KCNIP4: variants seen among roughly 807,000 people sequenced by gnomAD.
The protein encoded by KCNIP4 is potassium voltage-gated channel interacting protein 4.
In KCNIP4, 12 loss-of-function variants were observed where a neutral mutation model predicts 34.0. The ratio of observed to expected loss-of-function variants is 0.35; its 90% CI spans 0.23 to 0.57. KCNIP4 has a LOEUF of 0.57. Among genes scored for constraint, KCNIP4 ranks in the 20% least tolerant of loss-of-function variants. The probability of loss-of-function intolerance (pLI) is 0.83; values close to 1 mark genes in which losing one functional copy is unlikely to be tolerated. For missense variants in KCNIP4, 238 were observed against 311.7 expected (o/e 0.76, Z 1.78); for synonymous variants, 124 against 102.2 (o/e 1.21, Z -1.29).
chr4:21,232,771 G>C (rs1758891886), intron 1 of KCNIP4, among the ~76,000 whole-genome samples: 1 of 152,126 alleles, frequency 6.6e-6, no homozygotes, highest in African/African-American at 2.4e-5. Context: ...ACAGAAGATG[G>C]ATAAGAAAGT....
At chr4:21,622,602 CTG>C (rs1429015742) in intron 1 of KCNIP4, among the ~76,000 whole-genome samples, 5 of 152,046 alleles carry the variant, frequency 3.3e-5, no homozygotes, top group African/African-American at 1.2e-4. Context: ...ATTTATATCA[CTG>C]GAGCATGACT....
chr4:21,327,116 A>G (rs1436525234), intron 1 of KCNIP4, among the ~76,000 whole-genome samples: 4 of 151,966 alleles, frequency 2.6e-5, no homozygotes, highest in African/African-American at 9.7e-5. Flanking sequence ...TGTGTTCTTA[A>G]TATGTTTTTC....
At chr4:21,276,881 G>A (rs1452571711) in intron 1 of KCNIP4, among the ~76,000 whole-genome samples, 1 of 152,110 alleles carries the variant, frequency 6.6e-6, no homozygotes, top group Non-Finnish European at 1.5e-5. Context: ...TAATATCAGT[G>A]TCATTCCTTC....
intron 1 of KCNIP4, among the ~76,000 whole-genome samples, chr4:21,170,925 G>C (rs1383315276): frequency 1.3e-5 from 2 of 152,070 alleles, no homozygotes; most frequent in Non-Finnish European, 2.9e-5. Context: ...ATTTAGTCAA[G>C]TAGATTTCCT....
rs146209911 is a variant in KCNIP4 at position 21,273,542 on chromosome 4, T to A, written c.62-390833A>T. ...GGGGAGAGTGGCTTGACTCACTCCA[T>A]AATCCTCATCATTATACTCTTTCCA... is the stretch of plus-strand genomic sequence containing the variant. On this transcript the variant is annotated intron_variant, in intron 1 of 8. Transcript: ENST00000382152. 8.5e-5 allele frequency among the ~76,000 whole-genome samples: 13 copies of A among 152,294 alleles called. No homozygotes were observed. The East Asian group carries it at 2.5e-3, about 29-fold the overall frequency.
At chr4:20,851,758 G>A (rs115252655) in intron 2 of KCNIP4, among the ~76,000 whole-genome samples, 4 of 152,152 alleles carry the variant, frequency 2.6e-5, no homozygotes, top group African/African-American at 9.7e-5. Context: ...CCTGGAATTT[G>A]TTTCTATATA....
chr4:21,627,863 A>T (rs1745446337), intron 1 of KCNIP4, among the ~76,000 whole-genome samples: 1 of 152,134 alleles, frequency 6.6e-6, no homozygotes, highest in Non-Finnish European at 1.5e-5. Context: ...TGATGTAGGA[A>T]TGGTGCGGTT....
intron 3 of KCNIP4, among the ~76,000 whole-genome samples, chr4:20,828,406 A>G (rs950765127): frequency 1.2e-4 from 19 of 152,234 alleles, no homozygotes; most frequent in Admixed American, 2.0e-4. Flanking sequence ...CAGCCTGGCG[A>G]CAGAGCAAGA....
Position 21,680,809 on chromosome 4 carries a change from A to T in KCNIP4, c.61+267762T>A, listed in dbSNP as rs147349401. Among the ~76,000 whole-genome samples, 308 of 152,352 alleles carry T rather than the reference A, an allele frequency of 2.0e-3. 1 individual carries two copies. The highest frequency in any genetic ancestry group is 4.6e-3 in the Admixed American group (70 of 15,298). On this transcript the variant is annotated intron_variant, in intron 1 of 8. Transcript: ENST00000382152. ...TGTCAACACTGGGCTTAAAATATAC[A>T]GTAAACCATGATATAAACAGACATG... is the stretch of plus-strand genomic sequence containing the variant.
chr4:21,333,790 ATAAAT>A (rs1715889344), intron 1 of KCNIP4, among the ~76,000 whole-genome samples: 1 of 152,198 alleles, frequency 6.6e-6, no homozygotes, highest in Non-Finnish European at 1.5e-5. Flanking sequence ...ACCTGCCGTA[ATAAAT>A]TAAAGATGTG....
At position 20,729,926 on chromosome 4, in the gene KCNIP4, A is replaced by G. The variant is rs1747533576; in HGVS notation, c.*156T>C. Reference sequence around the variant, plus strand: ...ATGCAAATTTATAACTGAAAGCTCAAATCTTTTGGGGATTGCTTTATATTA... The same window carrying G: ...ATGCAAATTTATAACTGAAAGCTCAGATCTTTTGGGGATTGCTTTATATTA... On this transcript the variant is annotated 3_prime_UTR_variant, in exon 9 of 9. Transcript: ENST00000382152. The G allele has an allele frequency of 2.4e-6, 2 of 816,574 alleles. No homozygotes were observed. The highest frequency in any genetic ancestry group is 3.5e-6 in the Non-Finnish European group (2 of 572,396). 50.6% of individuals were successfully genotyped at this position (816,574 alleles called of 1,614,324 possible). A position where few individuals can be genotyped will look rare whatever the true frequency, so the allele number is the denominator to read the frequency against.
At position 21,505,345 on chromosome 4, in the gene KCNIP4, T is replaced by C. The variant is rs116412335; in HGVS notation, c.61+443226A>G. On this transcript the variant is annotated intron_variant, in intron 1 of 8. Coordinates refer to ENST00000382152, the MANE Select transcript of KCNIP4 (RefSeq NM_025221.6). ...ACACAATCATTTTCTCCTACACCGA[T>C]AGGTTGTGAGGCTGGCAAATTTCTA... 4.7e-4 allele frequency among the ~76,000 whole-genome samples: 71 copies of C among 152,130 alleles called. 1 individual carries two copies. The highest frequency in any genetic ancestry group is 1.6e-3 in the African/African-American group (66 of 41,502).
intron 1 of KCNIP4, among the ~76,000 whole-genome samples, chr4:21,738,466 A>G (rs768469706): frequency 6.6e-6 from 1 of 152,208 alleles, no homozygotes; most frequent in African/African-American, 2.4e-5. Flanking sequence ...TCAGTCTTCT[A>G]AAAAGAGTCC....
chr4:20,787,422 GA>G (rs1335516026), intron 3 of KCNIP4, among the ~76,000 whole-genome samples: 1 of 152,034 alleles, frequency 6.6e-6, no homozygotes, highest in Non-Finnish European at 1.5e-5. Context: ...GCTCTTTAAA[GA>G]TTTTCTTTTC....
intron 1 of KCNIP4, among the ~76,000 whole-genome samples, chr4:21,134,651 C>T (rs1406106455): frequency 1.3e-5 from 2 of 152,142 alleles, no homozygotes; most frequent in East Asian, 3.9e-4. Context: ...GGCTTCTTCT[C>T]ATAGATTTTT....
At chr4:21,318,229 A>C (rs2109293232) in intron 1 of KCNIP4, among the ~76,000 whole-genome samples, 1 of 152,346 alleles carries the variant, frequency 6.6e-6, no homozygotes, top group East Asian at 1.9e-4. Flanking sequence ...TATTCTCATT[A>C]GCTCATGTAA....
intron 3 of KCNIP4, among the ~76,000 whole-genome samples, chr4:20,832,565 G>A (rs1718550536): frequency 2.0e-5 from 3 of 152,094 alleles, no homozygotes; most frequent in Non-Finnish European, 4.4e-5. Context: ...CATGTCTCAT[G>A]CAGGTTTCCT....
chr4:21,398,899 A>G (rs917845735), intron 1 of KCNIP4, among the ~76,000 whole-genome samples: 2 of 152,204 alleles, frequency 1.3e-5, no homozygotes, highest in Non-Finnish European at 2.9e-5. Flanking sequence ...AAACTGATCA[A>G]TCAAATTAAA....
chr4:21,920,725 G>T (rs1427645032), intron 1 of KCNIP4, among the ~76,000 whole-genome samples: 1 of 152,158 alleles, frequency 6.6e-6, no homozygotes, highest in South Asian at 2.1e-4. Context: ...ATGGATTTTG[G>T]TATCCAATGG....
Sources: gnomAD v4.1 joint callset for allele counts (sites outside exome capture counted in the v4.1 genomes callset) on GRCh38, gnomAD v4.1.1 for gene constraint, MANE v1.5 for transcripts, NCBI Gene and HGNC (gene_info 2026-07-23, HGNC 2026-07-21) for gene names.